Variants in ITGAE observed in about 807,000 individuals in gnomAD.
The protein encoded by ITGAE is integrin subunit alpha E.
A neutral mutation model predicts 136.5 loss-of-function variants in ITGAE; 99 were observed. That is an observed-to-expected ratio of 0.73 (90% CI 0.62 to 0.86). ITGAE has a LOEUF of 0.86. Among genes scored for constraint, ITGAE ranks in the 40% least tolerant of loss-of-function variants. ITGAE has a pLI of 0.00. For missense variants in ITGAE, 1,447 were observed against 1,515.3 expected (o/e 0.95, Z 0.75); for synonymous variants, 613 against 591.8 (o/e 1.04, Z -0.52).
At position 3,788,456 on chromosome 17, in the gene ITGAE, A is replaced by ATTT. The variant is rs71155804; in HGVS notation, c.35-10799_35-10797dup. Among the ~76,000 whole-genome samples, 892 of 103,144 alleles carry ATTT rather than the reference A, an allele frequency of 8.6e-3. 9 individuals are homozygous for ATTT. Among genetic ancestry groups the ATTT allele is most frequent in the Non-Finnish European group, 0.013 (654 of 50,294 alleles). 67.7% of individuals were successfully genotyped at this position (103,144 alleles called of 152,430 possible). A position where few individuals can be genotyped will look rare whatever the true frequency, so the allele number is the denominator to read the frequency against. ...AGGCCTGTGCCACCAGACCTGACTA[A>ATTT]TTTTTTTTTTTTTTTTTTTTTTTGG... On this transcript the variant is annotated intron_variant, in intron 1 of 30. Coordinates refer to ENST00000263087, the MANE Select transcript of ITGAE (RefSeq NM_002208.5).
intron 21 of ITGAE, among the ~76,000 whole-genome samples, chr17:3,734,519 T>C (rs2051418375): frequency 6.6e-6 from 1 of 152,362 alleles, no homozygotes; most frequent in South Asian, 2.1e-4. Flanking sequence ...ATTTTCACTT[T>C]CCCAGTCTAA....
chr17:3,725,183 C>T (rs752502365), intron 26 of ITGAE: 3 of 1,614,106 alleles, frequency 1.9e-6, no homozygotes, highest in South Asian at 2.2e-5. Context: ...CTGGATCCCT[C>T]CTATCAGAAT....
intron 22 of ITGAE, 152 bp from the exon 23 acceptor site, chr17:3,731,335 CTTTT>C (rs78134599): frequency 1.5e-3 from 600 of 397,968 alleles, no homozygotes; most frequent in South Asian, 4.5e-3. Flanking sequence ...CTTTCCCTTC[CTTTT>C]TTTTTTTTTT....
At chr17:3,800,844 G>A (rs2053239845) in intron 1 of ITGAE, among the ~76,000 whole-genome samples, 1 of 152,164 alleles carries the variant, frequency 6.6e-6, no homozygotes, top group African/African-American at 2.4e-5. Context: ...GGGGAGGCTG[G>A]CTGGAGGAGG....
chr17:3,794,308 G>A (rs1344343921), intron 1 of ITGAE, among the ~76,000 whole-genome samples: 1 of 151,920 alleles, frequency 6.6e-6, no homozygotes, highest in Non-Finnish European at 1.5e-5. Flanking sequence ...TTGTAGAGAT[G>A]GGGGTCTTGC....
intron 21 of ITGAE, among the ~76,000 whole-genome samples, chr17:3,733,704 G>A (rs1032479189): frequency 7.9e-5 from 12 of 152,114 alleles, no homozygotes; most frequent in Admixed American, 2.0e-4. Flanking sequence ...TACAGGCATG[G>A]GCCACTGCAC....
At chr17:3,789,569 C>T (rs1181671581) in intron 1 of ITGAE, among the ~76,000 whole-genome samples, 7 of 149,918 alleles carry the variant, frequency 4.7e-5, no homozygotes, top group Admixed American at 1.3e-4. Flanking sequence ...GGTGCAATCT[C>T]GGCTCACTGC....
intron 16 of ITGAE, 78 bp downstream of exon 16, chr17:3,750,274 G>A: frequency 1.3e-6 from 2 of 1,563,680 alleles, no homozygotes; most frequent in South Asian, 1.2e-5. Flanking sequence ...AGTGCCTAAT[G>A]TCTGCATGGA....
At position 3,716,683 on chromosome 17, in the gene ITGAE, C is replaced by A. The variant is rs1434194847; in HGVS notation, c.3444+5G>T. 1.3e-6 allele frequency: 2 copies of A among 1,543,904 alleles called. No homozygotes were observed. Among genetic ancestry groups the A allele is most frequent in the Admixed American group, 1.7e-5 (1 of 59,856 alleles). On this transcript the variant is annotated splice_donor_5th_base_variant and intron_variant, in intron 30 of 30. Transcript: ENST00000263087. ...CCTCACTGTGATGCCATGAGTAGAACTGACCTTGAACAGGATGACCAGAAT... is the reference window on the plus strand; with the variant it reads ...CCTCACTGTGATGCCATGAGTAGAAATGACCTTGAACAGGATGACCAGAAT...
At chr17:3,747,787 G>A (rs565326971) in intron 17 of ITGAE, 135 bp downstream of exon 17, 103 of 646,024 alleles carry the variant, frequency 1.6e-4, no homozygotes, top group South Asian at 1.1e-3. Flanking sequence ...AGCTCTAATC[G>A]AGGGATTTCA....
At chr17:3,781,286 G>T (rs1448495129) in intron 1 of ITGAE, among the ~76,000 whole-genome samples, 1 of 151,440 alleles carries the variant, frequency 6.6e-6, no homozygotes, top group Non-Finnish European at 1.5e-5. Flanking sequence ...CTCCACTCAG[G>T]CTATTTCTTT....
chr17:3,764,089 C>G (rs1360943870), intron 2 of ITGAE, 129 bp from the exon 3 acceptor site: 2 of 644,414 alleles, frequency 3.1e-6, no homozygotes, highest in Non-Finnish European at 5.5e-6. Context: ...AGATTCCTAG[C>G]CCAGACTCTG....
intron 26 of ITGAE, chr17:3,724,040 C>A (rs1272185479): frequency 1.9e-6 from 3 of 1,595,064 alleles, no homozygotes; most frequent in South Asian, 2.2e-5. Flanking sequence ...CGCAGTGGTT[C>A]CCGCCGCAGG....
chr17:3,720,167 C>T (rs887188640), intron 29 of ITGAE, 140 bp downstream of exon 29: 1 of 578,600 alleles, frequency 1.7e-6, no homozygotes, highest in Non-Finnish European at 3.1e-6. Context: ...ACTCAAAGGT[C>T]ACAAAGGCAG....
At chr17:3,747,461 G>A (rs2051744036) in intron 17 of ITGAE, among the ~76,000 whole-genome samples, 3 of 152,100 alleles carry the variant, frequency 2.0e-5, no homozygotes, top group Non-Finnish European at 4.4e-5. Context: ...GGGATTACAG[G>A]CACCTGCCCG....
At chr17:3,797,144 TATATATATATA>T (rs1567566682) in intron 1 of ITGAE, among the ~76,000 whole-genome samples, 1 of 25,482 alleles carries the variant, frequency 3.9e-5, no homozygotes. Context: ...AAACTAAATA[TATATATATATA>T]TATTTTTTTT....
At chr17:3,738,445 A>T (rs1184740763) in intron 20 of ITGAE, among the ~76,000 whole-genome samples, 1 of 152,202 alleles carries the variant, frequency 6.6e-6, no homozygotes, top group Non-Finnish European at 1.5e-5. Flanking sequence ...CTGGGATTAC[A>T]GGCATGAGCC....
chr17:3,753,652 C>T, intron 13 of ITGAE, 131 bp downstream of exon 13: 1 of 1,239,412 alleles, frequency 8.1e-7, no homozygotes, highest in Non-Finnish European at 1.1e-6. Flanking sequence ...CCCTCGAGCT[C>T]CACTCAGGAG....
intron 1 of ITGAE, among the ~76,000 whole-genome samples, chr17:3,784,959 C>CT (rs2052750082): frequency 6.6e-6 from 1 of 152,012 alleles, no homozygotes; most frequent in African/African-American, 2.4e-5. Flanking sequence ...TGGCTGGTAT[C>CT]TAACAAAAAT....
Sources: allele counts gnomAD v4.1 joint callset (sites outside exome capture counted in the v4.1 genomes callset), GRCh38; gene constraint gnomAD v4.1.1; transcripts MANE v1.5; gene names NCBI Gene and HGNC (gene_info 2026-07-23, HGNC 2026-07-21).